Variants in PPT1 observed in about 807,000 individuals in gnomAD.
PPT1 encodes ceroid-palmitoyl-palmitoyl-protein thioesterase 1.
Under a neutral mutation model 44.0 loss-of-function variants are expected in PPT1, and 24 were observed. The ratio of observed to expected loss-of-function variants is 0.54; its 90% CI spans 0.39 to 0.77. The LOEUF (loss-of-function observed/expected upper bound fraction) is 0.77, where lower values mean the gene tolerates loss of function less well. PPT1 is among the 30% of genes least tolerant of loss of function. PPT1 has a pLI of 0.00. For missense variants in PPT1, 341 were observed against 378.8 expected, an observed-to-expected ratio of 0.90 and a Z score of 0.83; for synonymous variants, 148 against 140.2, an observed-to-expected ratio of 1.06 and a Z score of -0.39.
chr1:40,084,477 T>C (rs1239422578), intron 5 of PPT1, among the ~76,000 whole-genome samples: 1 of 152,188 alleles, frequency 6.6e-6, no homozygotes, highest in African/African-American at 2.4e-5. Flanking sequence ...CCAAATAGCA[T>C]CGCATGCTAC....
chr1:40,087,549 A>T (rs1454620641), intron 5 of PPT1, among the ~76,000 whole-genome samples: 2 of 151,974 alleles, frequency 1.3e-5, no homozygotes. Context: ...CGCCTTAATC[A>T]GTATTTAGGT....
At chr1:40,092,651 T>C in intron 1 of PPT1, 144 bp from the exon 2 acceptor site, 1 of 720,622 alleles carries the variant, frequency 1.4e-6, no homozygotes, top group East Asian at 2.6e-5. Context: ...AGTTATCTGA[T>C]AAGGGCTTAA....
chr1:40,084,663 C>T (rs963208247), intron 5 of PPT1, among the ~76,000 whole-genome samples: 2 of 152,198 alleles, frequency 1.3e-5, no homozygotes, highest in African/African-American at 4.8e-5. Flanking sequence ...CAAGAGTTAT[C>T]CTAGACCTAG....
At chr1:40,076,328 G>C (rs939372255) in intron 8 of PPT1, among the ~76,000 whole-genome samples, 14 of 152,088 alleles carry the variant, frequency 9.2e-5, no homozygotes, top group African/African-American at 3.4e-4. Flanking sequence ...AGCCAGGTGT[G>C]ATGGCACACA....
rs991871710 is a variant in PPT1 at position 40,078,653 on chromosome 1, G to A, written c.633C>T (p.Ile211=). 4.3e-6 allele frequency: 7 copies of A among 1,612,966 alleles called. No individual in the cohort carries two copies. The highest frequency in any genetic ancestry group is 5.9e-6 in the Non-Finnish European group (7 of 1,179,238). The change falls in exon 7 of 9, where the codon ATC becomes ATT. Residue 211 remains isoleucine, a synonymous_variant. Transcript: ENST00000642050. ...FLADINQERG[I]NESYKKNLMA... Reference sequence around the variant, plus strand: ...TCAGGTTTTTCTTGTAGGACTCATTGATACCCTGAAAGAAAGGCCAGCAAC... The same window carrying A: ...TCAGGTTTTTCTTGTAGGACTCATTAATACCCTGAAAGAAAGGCCAGCAAC...
chr1:40,075,248 GTC>G (rs1648554547), intron 8 of PPT1: 1 of 152,144 alleles, frequency 6.6e-6, no homozygotes, highest in Admixed American at 6.6e-5. Flanking sequence ...GAGCAAAACT[GTC>G]TCAAAAGAAC....
chr1:40,096,858 G>A (rs1649878180), intron 1 of PPT1: 1 of 586,442 alleles, frequency 1.7e-6, no homozygotes, highest in East Asian at 3.2e-5. Flanking sequence ...CTACTGTAAG[G>A]ATTAATCAAG....
chr1:40,091,979 T>A (rs1649588281), intron 3 of PPT1, 66 bp downstream of exon 3: 2 of 1,582,766 alleles, frequency 1.3e-6, no homozygotes, highest in Non-Finnish European at 1.7e-6. Flanking sequence ...GGAGTGGATT[T>A]ATCTGAATAA....
chr1:40,072,842 C>T lies in PPT1; in HGVS notation c.*1219G>A, dbSNP rs1648304512. On this transcript the variant is annotated 3_prime_UTR_variant, in exon 9 of 9. Transcript: ENST00000642050. Reference sequence around the variant, plus strand: ...AGAGAGAAAGGAAAAACCATAATGGCTAAACTTAGCAGCACCAACACGGTT... The same window carrying T: ...AGAGAGAAAGGAAAAACCATAATGGTTAAACTTAGCAGCACCAACACGGTT... 1 of 152,182 alleles carries T rather than the reference C, an allele frequency of 6.6e-6. No individual in the cohort carries two copies. Among genetic ancestry groups the T allele is most frequent in the South Asian group, 2.1e-4 (1 of 4,836 alleles). The allele number at this position is 152,182 out of a possible 1,614,324, so 9.4% of individuals were successfully genotyped here. A position where few individuals can be genotyped will look rare whatever the true frequency, so the allele number is the denominator to read the frequency against.
At chr1:40,084,571 A>T (rs180786256) in intron 5 of PPT1, among the ~76,000 whole-genome samples, 16 of 152,178 alleles carry the variant, frequency 1.1e-4, no homozygotes, top group Non-Finnish European at 2.4e-4. Context: ...AGCCACCCCA[A>T]TGTGGGCAGC....
At chr1:40,083,522 C>T (rs1444947079) in intron 5 of PPT1, among the ~76,000 whole-genome samples, 1 of 152,036 alleles carries the variant, frequency 6.6e-6, no homozygotes, top group African/African-American at 2.4e-5. Flanking sequence ...TATTACAGCT[C>T]ATTAAAAAGC....
chr1:40,078,898 G>A, intron 6 of PPT1: 1 of 472,864 alleles, frequency 2.1e-6, no homozygotes, highest in South Asian at 1.7e-5. Context: ...TTTGTTATAA[G>A]GGTATATTGT....
intron 8 of PPT1, 35 bp downstream of exon 8, chr1:40,076,807 C>T (rs1557706515): frequency 6.2e-7 from 1 of 1,613,724 alleles, no homozygotes; most frequent in Middle Eastern, 1.7e-4. Context: ...GCTGAAAAAA[C>T]ACCAACCTCC....
At chr1:40,094,046 T>C in intron 1 of PPT1, 2 of 686,116 alleles carry the variant, frequency 2.9e-6, no homozygotes, top group East Asian at 5.4e-5. Flanking sequence ...AAAAAGCCCA[T>C]ATAGGATAAT....
At chr1:40,074,205 T>C (rs1557705008) in intron 8 of PPT1, 22 bp from the exon 9 acceptor site, 1 of 1,613,844 alleles carries the variant, frequency 6.2e-7, no homozygotes, top group South Asian at 1.1e-5. Context: ...AAGGCCATAA[T>C]TAATTAAAAA....
At position 40,073,455 on chromosome 1, in the gene PPT1, T is replaced by A. The variant is rs1648383505; in HGVS notation, c.*606A>T. The A allele has an allele frequency of 6.5e-6, 1 of 154,072 alleles. No individual in the cohort carries two copies. The highest frequency in any genetic ancestry group is 1.9e-4 in the East Asian group (1 of 5,232). The allele number at this position is 154,072 out of a possible 1,614,324, so 9.5% of individuals were successfully genotyped here. ...TTTGTGACAGCAACTAATTCATCACTACCTGAGGAGACAAAGTGGGTGCTG... is the reference window on the plus strand; with the variant it reads ...TTTGTGACAGCAACTAATTCATCACAACCTGAGGAGACAAAGTGGGTGCTG... On this transcript the variant is annotated 3_prime_UTR_variant, in exon 9 of 9. Transcript: ENST00000642050.
At chr1:40,093,908 A>T (rs934934868) in intron 1 of PPT1, 6 of 644,920 alleles carry the variant, frequency 9.3e-6, no homozygotes, top group Non-Finnish European at 1.4e-5. Context: ...AAAAAAATCC[A>T]TATAGGCCAA....
chr1:40,077,101 A>G (rs1648669956), intron 7 of PPT1, among the ~76,000 whole-genome samples, 188 bp from the exon 8 acceptor site: 1 of 152,246 alleles, frequency 6.6e-6, no homozygotes, highest in Non-Finnish European at 1.5e-5. Flanking sequence ...GGATGAGTTA[A>G]TCTTTCTGAG....
intron 8 of PPT1, 70 bp from the exon 9 acceptor site, chr1:40,074,253 A>G (rs1648454293): frequency 6.3e-7 from 1 of 1,577,502 alleles, no homozygotes; most frequent in African/African-American, 1.3e-5. Flanking sequence ...TAAGTACGTT[A>G]ACTTGAGATA....
Sources: gnomAD v4.1 joint callset for allele counts (sites outside exome capture counted in the v4.1 genomes callset) on GRCh38, gnomAD v4.1.1 for gene constraint, MANE v1.5 for transcripts, NCBI Gene and HGNC (gene_info 2026-07-23, HGNC 2026-07-21) for gene names.